Variants in MCPH1 observed in about 807,000 individuals in gnomAD.
MCPH1 encodes the protein microcephalin.
In MCPH1, 104 loss-of-function variants were observed where a neutral mutation model predicts 84.5. The ratio of observed to expected loss-of-function variants is 1.23; its 90% CI spans 1.05 to 1.45. MCPH1 has a LOEUF of 1.45. Ranked by LOEUF, MCPH1 falls within the 40% of genes most tolerant of loss-of-function variation. The probability of loss-of-function intolerance (pLI) is 0.00; values close to 1 mark genes in which losing one functional copy is unlikely to be tolerated. For synonymous variants in MCPH1, 514 were observed against 366.8 expected, an observed-to-expected ratio of 1.40 and a Z score of -4.58; for missense variants, 1,498 against 1,005.7, an observed-to-expected ratio of 1.49 and a Z score of -6.62.
chr8:6,475,055 G>A (rs1293510119), intron 9 of MCPH1, among the ~76,000 whole-genome samples: 5 of 152,180 alleles, frequency 3.3e-5, no homozygotes, highest in Non-Finnish European at 5.9e-5. Flanking sequence ...ATTTTAGGAA[G>A]ATTCAATTTA....
intron 4 of MCPH1, 111 bp from the exon 5 acceptor site, chr8:6,435,937 A>AT (rs1304649236): frequency 3.7e-6 from 5 of 1,341,882 alleles, no homozygotes; most frequent in Admixed American, 5.0e-5. Flanking sequence ...CTCTTTTAGA[A>AT]TTTTTTATTA....
chr8:6,432,601 A>C (rs1802009666), intron 4 of MCPH1, among the ~76,000 whole-genome samples: 1 of 152,252 alleles, frequency 6.6e-6, no homozygotes, highest in African/African-American at 2.4e-5. Context: ...TTTTCACATG[A>C]GATTCTCTGT....
At chr8:6,592,026 G>A (rs1828496746) in intron 12 of MCPH1, among the ~76,000 whole-genome samples, 1 of 152,164 alleles carries the variant, frequency 6.6e-6, no homozygotes, top group South Asian at 2.1e-4. Flanking sequence ...CTCTGTTAGA[G>A]TATCATCACT....
intron 13 of MCPH1, among the ~76,000 whole-genome samples, chr8:6,641,014 T>C (rs1426990643): frequency 2.0e-5 from 3 of 152,238 alleles, no homozygotes; most frequent in East Asian, 1.9e-4. Context: ...TTTACTGCTA[T>C]AATTGTACAG....
rs759292001 is a variant in MCPH1 at position 6,509,078 on chromosome 8, GA to G, written c.2214+9157del. ...AAGGTGAATCCTGTAAGCGTGCAAA[GA>G]AAAAAAACACATTGGCTAGGGTCAT... On this transcript the variant is annotated intron_variant, in intron 12 of 13. Coordinates refer to ENST00000344683, the MANE Select transcript of MCPH1 (RefSeq NM_024596.5). 3.7e-5 allele frequency: 59 copies of G among 1,603,602 alleles called. No homozygotes were observed. In the South Asian group the frequency reaches 4.4e-4, roughly 12 times the overall value.
intron 11 of MCPH1, among the ~76,000 whole-genome samples, chr8:6,498,483 A>G (rs1296695269): frequency 2.0e-5 from 3 of 152,242 alleles, no homozygotes; most frequent in Admixed American, 2.0e-4. Flanking sequence ...TTTACTGACC[A>G]GAACTCTACT....
At chr8:6,538,162 A>G (rs1485755482) in intron 12 of MCPH1, among the ~76,000 whole-genome samples, 2 of 151,798 alleles carry the variant, frequency 1.3e-5, no homozygotes, top group African/African-American at 2.4e-5. Flanking sequence ...CCATTTTTCT[A>G]GTAAACCCTT....
intron 5 of MCPH1, among the ~76,000 whole-genome samples, chr8:6,437,189 C>G (rs1802777705): frequency 1.3e-5 from 2 of 152,032 alleles, no homozygotes; most frequent in South Asian, 2.1e-4. Context: ...CACAGATTCT[C>G]TATTCTGTGT....
intron 6 of MCPH1, among the ~76,000 whole-genome samples, chr8:6,441,580 G>A (rs948754241): frequency 1.3e-5 from 2 of 152,130 alleles, no homozygotes; most frequent in Non-Finnish European, 2.9e-5. Context: ...AAACCTCTAG[G>A]ATTTCTCAAC....
At chr8:6,416,178 T>A (rs1799262281) in intron 3 of MCPH1, among the ~76,000 whole-genome samples, 1 of 152,232 alleles carries the variant, frequency 6.6e-6, no homozygotes, top group African/African-American at 2.4e-5. Context: ...TAGTTCTAAA[T>A]ATATTTGTGG....
chr8:6,491,472 G>A (rs1310435691), intron 11 of MCPH1, among the ~76,000 whole-genome samples: 1 of 145,954 alleles, frequency 6.9e-6, no homozygotes, highest in African/African-American at 2.5e-5. Flanking sequence ...TTTTTTTCTA[G>A]TATTCTTTTT....
In MCPH1 at chr8:6,566,015, G is replaced by A. The variant is rs138999898; in HGVS notation, c.2215-55439G>A. 4.9e-3 allele frequency among the ~76,000 whole-genome samples: 740 copies of A among 152,228 alleles called. 6 individuals carry two copies. The highest frequency in any genetic ancestry group is 0.017 in the African/African-American group (696 of 41,530). On this transcript the variant is annotated intron_variant, in intron 12 of 13. Transcript: ENST00000344683. Reference sequence around the variant, plus strand: ...CCAGTGTCAGATGGTAATTATTTTCGGCTCTGCAGGCTATACGGCCACCAT... The same window carrying A: ...CCAGTGTCAGATGGTAATTATTTTCAGCTCTGCAGGCTATACGGCCACCAT...
At chr8:6,594,176 C>T (rs546574366) in intron 12 of MCPH1, among the ~76,000 whole-genome samples, 78 of 152,362 alleles carry the variant, frequency 5.1e-4, no homozygotes, top group Non-Finnish European at 9.7e-4. Flanking sequence ...CAGGAGCCCC[C>T]GCTCCCCGTG....
chr8:6,630,675 G>T (rs2912040), intron 13 of MCPH1, among the ~76,000 whole-genome samples: 67 of 151,736 alleles, frequency 4.4e-4, no homozygotes, highest in African/African-American at 1.6e-3. Flanking sequence ...CAGCTACTTG[G>T]GAGGCTGAGG....
Position 6,416,761 on chromosome 8 carries a change from AG to A in MCPH1, c.233+1884del, listed in dbSNP as rs931920453. Among the ~76,000 whole-genome samples, 50 of 152,192 alleles carry A rather than the reference AG, an allele frequency of 3.3e-4. 1 individual carries two copies. The highest frequency in any genetic ancestry group is 1.0e-3 in the African/African-American group (43 of 41,524). ...GTAATTCCAGCACTTTGGGAGGCCG[AG>A]GGGGGTGGATCACCTGAGATTAGGA... On this transcript the variant is annotated intron_variant, in intron 3 of 13. Transcript: ENST00000344683.
chr8:6,548,480 A>G (rs576536963), intron 12 of MCPH1, among the ~76,000 whole-genome samples: 1 of 152,290 alleles, frequency 6.6e-6, no homozygotes, highest in South Asian at 2.1e-4. Context: ...AGCTCGAGGA[A>G]AATGCTGGGT....
intron 4 of MCPH1, among the ~76,000 whole-genome samples, chr8:6,432,227 C>T (rs1010727154): frequency 3.9e-5 from 6 of 152,248 alleles, no homozygotes; most frequent in Non-Finnish European, 7.3e-5. Context: ...GCCTCAACCT[C>T]CCAATTGGGA....
intron 9 of MCPH1, among the ~76,000 whole-genome samples, chr8:6,461,933 TATTG>T (rs1374571219): frequency 1.3e-5 from 2 of 152,214 alleles, no homozygotes; most frequent in Non-Finnish European, 2.9e-5. Context: ...TTTTTCAAAA[TATTG>T]ATTATTATCC....
chr8:6,591,798 T>C (rs1040509798), intron 12 of MCPH1, among the ~76,000 whole-genome samples: 1 of 152,198 alleles, frequency 6.6e-6, no homozygotes, highest in Non-Finnish European at 1.5e-5. Flanking sequence ...CCCCCTAGAA[T>C]TCCTCATTTT....
Sources: allele counts gnomAD v4.1 joint callset (sites outside exome capture counted in the v4.1 genomes callset), GRCh38; gene constraint gnomAD v4.1.1; transcripts MANE v1.5; gene names NCBI Gene and HGNC (gene_info 2026-07-23, HGNC 2026-07-21).